VPS13C: variants seen among roughly 807,000 people sequenced by gnomAD.
VPS13C encodes the protein intermembrane lipid transfer protein VPS13C.
A neutral mutation model predicts 456.8 loss-of-function variants in VPS13C; 358 were observed. The observed-to-expected ratio is 0.78, with a 90% CI of 0.72 to 0.86. The LOEUF (loss-of-function observed/expected upper bound fraction) is 0.86, where lower values mean the gene tolerates loss of function less well. Among genes scored for constraint, VPS13C ranks in the 40% least tolerant of loss-of-function variants. The probability of loss-of-function intolerance (pLI) is 0.00; values close to 1 mark genes in which losing one functional copy is unlikely to be tolerated. For synonymous variants in VPS13C, 1,578 were observed against 1,486.7 expected (o/e 1.06, Z -1.41); for missense variants, 4,818 against 4,385.4 (o/e 1.10, Z -2.79).
At chr15:61,900,674 G>A (rs1386819371) in intron 66 of VPS13C, among the ~76,000 whole-genome samples, 1 of 150,872 alleles carries the variant, frequency 6.6e-6, no homozygotes, top group Admixed American at 6.6e-5. Context: ...CGTGAAAATG[G>A]CCATACTGCC....
chr15:61,911,972 G>T lies in VPS13C; in HGVS notation c.8583C>A (p.Asn2861Lys). The change falls in exon 63 of 85, where the codon AAC becomes AAA. Residue 2861 changes from asparagine (N) to lysine (K), a missense_variant. Coordinates refer to ENST00000644861, the MANE Select transcript of VPS13C (RefSeq NM_020821.3). Reference protein sequence around the residue: ...VGVSIKMSSFNLSRIVTLTPF... With the variant: ...VGVSIKMSSFKLSRIVTLTPF... ...GAGTCAGGGTAACTATTCGTGAAAG[G>T]TTGAAACTGCTCATTTTGATGCTAA... The T allele has an allele frequency of 1.9e-6, 3 of 1,607,786 alleles. No individual in the cohort carries two copies. The highest frequency in any genetic ancestry group is 1.7e-6 in the Non-Finnish European group (2 of 1,177,064).
In VPS13C at chr15:62,037,323, AT is replaced by A. The variant is rs1567137026; in HGVS notation, c.188-2272del. ...TAATATATATATAAATATATTATAT[AT>A]TATATACATTTATATATAATATATT... On this transcript the variant is annotated intron_variant, in intron 3 of 84. Transcript: ENST00000644861. 1.8e-3 allele frequency among the ~76,000 whole-genome samples: 153 copies of A among 86,896 alleles called. 4 individuals are homozygous for A. The highest frequency in any genetic ancestry group is 6.3e-3 in the African/African-American group (135 of 21,550). 57.0% of individuals were successfully genotyped at this position (86,896 alleles called of 152,430 possible).
intron 67 of VPS13C, among the ~76,000 whole-genome samples, chr15:61,888,425 G>A (rs1017642929): frequency 7.2e-5 from 11 of 152,020 alleles, no homozygotes; most frequent in Non-Finnish European, 1.3e-4. Flanking sequence ...TTGTCATTGC[G>A]AAAATGTGGA....
At chr15:61,975,174 A>C (rs2140362083) in intron 24 of VPS13C, among the ~76,000 whole-genome samples, 1 of 152,266 alleles carries the variant, frequency 6.6e-6, no homozygotes, top group Non-Finnish European at 1.5e-5. Flanking sequence ...TATATTGGAA[A>C]AAAACTAAGG....
At chr15:62,006,211 A>G (rs2046839359) in intron 15 of VPS13C, among the ~76,000 whole-genome samples, 1 of 151,372 alleles carries the variant, frequency 6.6e-6, no homozygotes, top group African/African-American at 2.4e-5. Flanking sequence ...CCATTAACTC[A>G]TCATTTAGCA....
Position 62,033,500 on chromosome 15 carries a change from T to C in VPS13C, c.326A>G (p.Asp109Gly), listed in dbSNP as rs373013958. The change falls in exon 5 of 85, where the codon GAT becomes GGT. Residue 109 changes from aspartate (D) to glycine (G), a missense_variant. Physicochemically the swap from Asp to Gly is moderately conservative, Grantham distance 94. Transcript: ENST00000644861. ...DAVKEEKSLQ[D>G]VKQKELSRIE... ...TCGGGATAGCTCTTTCTGTTTAACA[T>C]CCTGCAAGGATTTTTCTTCTTTTAC... The C allele has an allele frequency of 2.4e-5, 39 of 1,607,824 alleles. No individual in the cohort carries two copies. The highest frequency in any genetic ancestry group is 3.1e-5 in the Non-Finnish European group (37 of 1,176,774).
At chr15:62,011,006 C>T (rs1374570759) in intron 12 of VPS13C, among the ~76,000 whole-genome samples, 1 of 151,962 alleles carries the variant, frequency 6.6e-6, no homozygotes, top group Non-Finnish European at 1.5e-5. Context: ...TAATCACTAG[C>T]AGAATTTAGT....
Position 61,961,822 on chromosome 15 carries a change from A to G in VPS13C, c.3675T>C (p.Ala1225=). Residue 1225 remains alanine, a synonymous_variant, in exon 35 of 85, where the codon GCT becomes GCC. Transcript: ENST00000644861. ...GGGCAAGATCTTTCACACTTGTGGCAGCCCTTTCTGCAGCCTGGGCAGTGG... is the reference window on the plus strand; with the variant it reads ...GGGCAAGATCTTTCACACTTGTGGCGGCCCTTTCTGCAGCCTGGGCAGTGG... ...SAATAQAAER[A]ATSVKDLAQR... 6.2e-7 allele frequency: 1 copy of G among 1,614,064 alleles called. No homozygotes were observed. Among genetic ancestry groups the G allele is most frequent in the South Asian group, 1.1e-5 (1 of 91,078 alleles).
chr15:61,979,826 T>G (rs190187318), intron 22 of VPS13C, among the ~76,000 whole-genome samples: 140 of 152,262 alleles, frequency 9.2e-4, no homozygotes, highest in Non-Finnish European at 1.6e-3. Context: ...GAGCTTTCAA[T>G]GGAAATTTTA....
chr15:61,922,425 A>G lies in VPS13C; in HGVS notation c.6947T>C (p.Met2316Thr). The change falls in exon 54 of 85, where the codon ATG becomes ACG. Residue 2316 changes from methionine to threonine, a missense_variant. Around this residue, in one of 3 missense-constraint regions of VPS13C, gnomAD observed 4,552 missense variants for 4,130.6 expected, o/e 1.10. Coordinates refer to ENST00000644861, the MANE Select transcript of VPS13C (RefSeq NM_020821.3). ...SGNIKNWTSLMAAVADVTLQV... is the reference protein window; with the variant it reads ...SGNIKNWTSLTAAVADVTLQV... ...TAGTGTCACGTCAGCAACAGCAGCC[A>G]TTAGAGAAGTCCAATTTTTAATATT... 6.2e-7 allele frequency: 1 copy of G among 1,613,816 alleles called. No individual in the cohort carries two copies. The highest frequency in any genetic ancestry group is 8.5e-7 in the Non-Finnish European group (1 of 1,179,828).
intron 9 of VPS13C, among the ~76,000 whole-genome samples, chr15:62,016,122 G>A (rs1427572232): frequency 6.6e-6 from 1 of 151,284 alleles, no homozygotes; most frequent in Non-Finnish European, 1.5e-5. Flanking sequence ...ACATAACCAT[G>A]TCCTTCTTTT....
Position 61,912,146 on chromosome 15 carries a change from A to G in VPS13C, c.8551-142T>C, listed in dbSNP as rs1331524085. On this transcript the variant is annotated intron_variant, in intron 62 of 84. Coordinates refer to ENST00000644861, the MANE Select transcript of VPS13C (RefSeq NM_020821.3). ...AAGCAACTATAAGTTACATTCTGCA[A>G]AAGATTATCTTCTGAGAAAAAAATT... 5.0e-6 allele frequency: 4 copies of G among 797,242 alleles called. No homozygotes were observed. In the Admixed American group the frequency reaches 1.6e-4, roughly 33 times the overall value. The allele number at this position is 797,242 out of a possible 1,614,324, so 49.4% of individuals were successfully genotyped here. A position where few individuals can be genotyped will look rare whatever the true frequency, so the allele number is the denominator to read the frequency against.
At chr15:61,920,694 T>C in intron 55 of VPS13C, 47 bp from the exon 56 acceptor site, 2 of 1,510,288 alleles carry the variant, frequency 1.3e-6, no homozygotes, top group African/African-American at 1.4e-5. Flanking sequence ...AGCCAGTTGA[T>C]AATAAAATAA....
At chr15:61,927,879 C>T (rs1449921037) in intron 51 of VPS13C, among the ~76,000 whole-genome samples, 2 of 152,164 alleles carry the variant, frequency 1.3e-5, no homozygotes, top group Admixed American at 6.5e-5. Flanking sequence ...AGAATGAGTT[C>T]ATGTCCTTTG....
Position 61,910,220 on chromosome 15 carries a change from T to C in VPS13C, c.8801A>G (p.Tyr2934Cys). Residue 2934 changes from tyrosine to cysteine, a missense_variant, in exon 64 of 85, where the codon TAT becomes TGT. Coordinates refer to ENST00000644861, the MANE Select transcript of VPS13C (RefSeq NM_020821.3). ...GCEGSSKPFFYNRQDNGTLLS... is the reference protein window; with the variant it reads ...GCEGSSKPFFCNRQDNGTLLS... ...TAAAGTGCCATTATCCTGTCGGTTA[T>C]AAAAGAATGGTTTGGAAGATCCTTC... 2.0e-6 allele frequency: 3 copies of C among 1,500,532 alleles called. No homozygotes were observed. Among genetic ancestry groups the C allele is most frequent in the Non-Finnish European group, 2.7e-6 (3 of 1,116,914 alleles). The allele number at this position is 1,500,532 out of a possible 1,614,324, so 93.0% of individuals were successfully genotyped here. A position where few individuals can be genotyped will look rare whatever the true frequency, so the allele number is the denominator to read the frequency against.
intron 18 of VPS13C, among the ~76,000 whole-genome samples, chr15:61,988,607 T>A (rs959661714): frequency 6.6e-6 from 1 of 152,142 alleles, no homozygotes; most frequent in Non-Finnish European, 1.5e-5. Context: ...AAAATTTATG[T>A]GGAAATTTTA....
At position 62,010,600 on chromosome 15, in the gene VPS13C, C is replaced by G; in HGVS notation, c.884-1G>C. On this transcript the variant is annotated splice_acceptor_variant, in intron 12 of 84. Transcript: ENST00000644861. LOFTEE classifies it high-confidence loss of function. The stretch of plus-strand genomic sequence containing the variant: ...GCAGAGGCTGATATTGGCTGGAAAA[C>G]TTACATCACATGGGAAGACATAAGA... 1 of 1,608,624 alleles carries G rather than the reference C, an allele frequency of 6.2e-7. No individual in the cohort carries two copies. The highest frequency in any genetic ancestry group is 8.5e-7 in the Non-Finnish European group (1 of 1,177,988).
At chr15:61,986,993 G>T (rs527808928) in intron 18 of VPS13C, among the ~76,000 whole-genome samples, 6 of 152,174 alleles carry the variant, frequency 3.9e-5, no homozygotes, top group African/African-American at 1.2e-4. Flanking sequence ...AATTGGTATT[G>T]TTCAGGTAGA....
chr15:62,006,467 G>A (rs1191766346), intron 15 of VPS13C, among the ~76,000 whole-genome samples: 1 of 152,096 alleles, frequency 6.6e-6, no homozygotes, highest in Non-Finnish European at 1.5e-5. Context: ...GTATTCCATG[G>A]TGTATATGTG....
Sources: allele counts gnomAD v4.1 joint callset (sites outside exome capture counted in the v4.1 genomes callset), GRCh38; gene constraint gnomAD v4.1.1; regional missense constraint gnomAD v4.1.1; transcripts MANE v1.5; gene names NCBI Gene and HGNC (gene_info 2026-07-23, HGNC 2026-07-21).